Variants in PTPRG observed in about 807,000 individuals in gnomAD.
PTPRG encodes protein tyrosine phosphatase receptor type G.
PTPRG carries 102 observed loss-of-function variants against 165.3 expected under a neutral mutation model. That is an observed-to-expected ratio of 0.62 (90% CI 0.53 to 0.73). The LOEUF is 0.73. Ranked by LOEUF, PTPRG falls within the 30% of genes least tolerant of loss-of-function variation. The probability of loss-of-function intolerance (pLI) is 0.00; values close to 1 mark genes in which losing one functional copy is unlikely to be tolerated. For missense variants in PTPRG, 1,866 were observed against 1,861.4 expected, an observed-to-expected ratio of 1.00 and a Z score of -0.05; for synonymous variants, 675 against 669.5, an observed-to-expected ratio of 1.01 and a Z score of -0.13.
intron 6 of PTPRG, among the ~76,000 whole-genome samples, chr3:62,133,742 T>G (rs1333526561): frequency 1.3e-5 from 2 of 152,144 alleles, no homozygotes; most frequent in Non-Finnish European, 2.9e-5. Flanking sequence ...CCCAGCACTT[T>G]GGGAGGCCGA....
chr3:61,582,683 GTAGA>G (rs774951109), intron 1 of PTPRG, among the ~76,000 whole-genome samples: 6 of 152,210 alleles, frequency 3.9e-5, no homozygotes, highest in Non-Finnish European at 7.3e-5. Context: ...TTTCCAGGCT[GTAGA>G]TACAGAAATG....
At chr3:61,589,743 G>A (rs1193355631) in intron 1 of PTPRG, among the ~76,000 whole-genome samples, 1 of 152,078 alleles carries the variant, frequency 6.6e-6, no homozygotes, top group East Asian at 1.9e-4. Context: ...GCTTAGTGAA[G>A]AGTTGTCGGG....
At chr3:61,751,818 G>A (rs879056193) in intron 2 of PTPRG, among the ~76,000 whole-genome samples, 5 of 151,914 alleles carry the variant, frequency 3.3e-5, no homozygotes, top group Admixed American at 1.3e-4. Flanking sequence ...GTGAAATCCC[G>A]TCTCTACTAA....
chr3:61,832,318 A>G (rs1575702592), intron 2 of PTPRG, among the ~76,000 whole-genome samples: 1 of 152,210 alleles, frequency 6.6e-6, no homozygotes, highest in Admixed American at 6.5e-5. Flanking sequence ...ATCTCTTTTT[A>G]AAAACATTAT....
At chr3:62,049,923 T>C (rs1443364703) in intron 4 of PTPRG, among the ~76,000 whole-genome samples, 2 of 152,194 alleles carry the variant, frequency 1.3e-5, no homozygotes, top group African/African-American at 4.8e-5. Context: ...AAAATGGTGT[T>C]AAATTGGAGA....
intron 7 of PTPRG, among the ~76,000 whole-genome samples, chr3:62,166,612 A>C (rs1704995770): frequency 1.3e-5 from 2 of 152,090 alleles, no homozygotes; most frequent in Non-Finnish European, 2.9e-5. Flanking sequence ...GTGGGATTTC[A>C]GGCATGAGCC....
At chr3:62,081,451 C>T (rs1333516073) in intron 5 of PTPRG, among the ~76,000 whole-genome samples, 1 of 152,078 alleles carries the variant, frequency 6.6e-6, no homozygotes. Context: ...CAAGGGGATC[C>T]TCCTGCAACA....
chr3:62,125,444 A>G (rs1222547292), intron 5 of PTPRG, among the ~76,000 whole-genome samples: 1 of 152,198 alleles, frequency 6.6e-6, no homozygotes, highest in Non-Finnish European at 1.5e-5. Context: ...AACAAGGGTG[A>G]GAGTTCACAT....
At chr3:61,676,381 T>C (rs541285323) in intron 1 of PTPRG, among the ~76,000 whole-genome samples, 4 of 134,962 alleles carry the variant, frequency 3.0e-5, no homozygotes, top group Non-Finnish European at 4.6e-5. Context: ...GGCGTGAACC[T>C]GGGAGGCAGA....
At chr3:62,055,635 A>G (rs1053092597) in intron 4 of PTPRG, among the ~76,000 whole-genome samples, 3 of 152,224 alleles carry the variant, frequency 2.0e-5, no homozygotes, top group African/African-American at 7.2e-5. Flanking sequence ...TCTGAGATCA[A>G]GATGTCTGTA....
At chr3:62,108,187 C>A (rs943710268) in intron 5 of PTPRG, among the ~76,000 whole-genome samples, 1 of 151,696 alleles carries the variant, frequency 6.6e-6, no homozygotes, top group Admixed American at 6.6e-5. Flanking sequence ...CAATGTTATC[C>A]CTCCCCCAGC....
chr3:61,683,506 A>C (rs564698061), intron 1 of PTPRG, among the ~76,000 whole-genome samples: 4 of 152,290 alleles, frequency 2.6e-5, no homozygotes, highest in African/African-American at 7.2e-5. Context: ...CCCTCTCTAC[A>C]CTTAACAGCT....
At chr3:61,956,713 C>A (rs1411696170) in intron 2 of PTPRG, among the ~76,000 whole-genome samples, 1 of 152,052 alleles carries the variant, frequency 6.6e-6, no homozygotes, top group African/African-American at 2.4e-5. Context: ...TTCTCATATG[C>A]GTATATTGAG....
chr3:61,626,014 T>G (rs1559529724), intron 1 of PTPRG, among the ~76,000 whole-genome samples: 4 of 114,172 alleles, frequency 3.5e-5, no homozygotes, highest in Non-Finnish European at 7.1e-5. Flanking sequence ...TTTGTTTGTT[T>G]TTTTTTTTTG....
At chr3:61,858,223 A>G (rs932587680) in intron 2 of PTPRG, among the ~76,000 whole-genome samples, 8 of 152,230 alleles carry the variant, frequency 5.3e-5, no homozygotes, top group African/African-American at 1.4e-4. Context: ...TAGGAAAGCC[A>G]CAAATACAGA....
intron 2 of PTPRG, among the ~76,000 whole-genome samples, chr3:61,965,358 CA>C (rs2040246631): frequency 1.3e-5 from 2 of 151,170 alleles, no homozygotes; most frequent in African/African-American, 4.9e-5. Context: ...CGTGCTAGTG[CA>C]CGCCTGTAAT....
chr3:61,946,968 TA>T (rs1221619861), intron 2 of PTPRG, among the ~76,000 whole-genome samples: 1 of 152,204 alleles, frequency 6.6e-6, no homozygotes, highest in Non-Finnish European at 1.5e-5. Context: ...AGTGTTCTGC[TA>T]AAATCTCTTC....
chr3:61,656,677 A>G lies in PTPRG; in HGVS notation c.86-92201A>G, dbSNP rs557474796. Among the ~76,000 whole-genome samples, 15 of 152,288 alleles carry G rather than the reference A, an allele frequency of 9.8e-5. No homozygotes were observed. In the East Asian group the frequency reaches 1.4e-3, roughly 14 times the overall value. Reference sequence around the variant, plus strand: ...GGTCTGTTGGGATTCTGGAATGTCAATTTTACTTTTTAGGAGATAGGTTGC... The same window carrying G: ...GGTCTGTTGGGATTCTGGAATGTCAGTTTTACTTTTTAGGAGATAGGTTGC... On this transcript the variant is annotated intron_variant, in intron 1 of 29. Coordinates refer to ENST00000474889, the MANE Select transcript of PTPRG (RefSeq NM_002841.4).
chr3:61,929,377 C>T (rs1016080724), intron 2 of PTPRG, among the ~76,000 whole-genome samples: 8 of 152,058 alleles, frequency 5.3e-5, no homozygotes, highest in East Asian at 1.9e-4. Flanking sequence ...CCAGATCGAG[C>T]GTTTCTTTAG....
Sources: gnomAD v4.1 joint callset for allele counts (sites outside exome capture counted in the v4.1 genomes callset) on GRCh38, gnomAD v4.1.1 for gene constraint, MANE v1.5 for transcripts, NCBI Gene and HGNC (gene_info 2026-07-23, HGNC 2026-07-21) for gene names.